POLR1C: variants seen among roughly 807,000 people sequenced by gnomAD.
POLR1C encodes the protein RNA polymerase I and III subunit C.
POLR1C carries 42 observed loss-of-function variants against 38.3 expected under a neutral mutation model. The ratio of observed to expected loss-of-function variants is 1.10; its 90% CI spans 0.86 to 1.42. The LOEUF (loss-of-function observed/expected upper bound fraction) is 1.42, where lower values mean the gene tolerates loss of function less well. POLR1C is among the 40% of genes most tolerant of loss of function. The pLI is 0.00. For synonymous variants in POLR1C, 163 were observed against 163.9 expected, an observed-to-expected ratio of 0.99 and a Z score of 0.04; for missense variants, 507 against 450.5, an observed-to-expected ratio of 1.13 and a Z score of -1.14.
At chr6:43,517,555 A>G (rs1317917773) in intron 2 of POLR1C, among the ~76,000 whole-genome samples, 178 bp downstream of exon 2, 1 of 152,114 alleles carries the variant, frequency 6.6e-6, no homozygotes, top group Admixed American at 6.5e-5. Context: ...CCAGTTCTGC[A>G]AAGATGTTCA....
chr6:43,525,758 T>G (rs1793544899), downstream of POLR1C: 1 of 1,437,328 alleles, frequency 7.0e-7, no homozygotes, highest in South Asian at 1.3e-5. Flanking sequence ...AAACTCTTGA[T>G]AGCACCATAG....
At chr6:43,526,530 T>C in intron 8 of POLR1C, 1 of 769,990 alleles carries the variant, frequency 1.3e-6, no homozygotes, top group Non-Finnish European at 2.2e-6. Flanking sequence ...GGTGGGAGTA[T>C]GATGGAGGCA....
At position 43,545,727 on chromosome 6, in the gene POLR1C, A is replaced by C. The variant is rs187028731; in HGVS notation, c.*5-5241A>C. Among the ~76,000 whole-genome samples the C allele has an allele frequency of 9.7e-3, 1,481 of 152,178 alleles. 10 individuals carry two copies. Among genetic ancestry groups the C allele is most frequent in the South Asian group, 0.023 (112 of 4,822 alleles). ...TGTCTCAAAAAAACAAACAAACAAA[A>C]AAAAAACCAATCCTGTGAGATACAA... On this transcript the variant is annotated intron_variant, in intron 9 of 10. Transcript: ENST00000607635.
At chr6:43,522,542 A>C (rs930237438), downstream of POLR1C, 1 of 264,348 alleles carries the variant, frequency 3.8e-6, no homozygotes, top group Non-Finnish European at 8.5e-6. Context: ...AACACTCTTG[A>C]GATCGCCTTC....
downstream of POLR1C, chr6:43,524,384 G>A (rs1793408019): frequency 7.1e-7 from 1 of 1,404,572 alleles, no homozygotes; most frequent in African/African-American, 1.4e-5. Context: ...TCACCATAAT[G>A]GTCAATAACT....
At chr6:43,539,609 C>T in intron 9 of POLR1C, 1 of 1,383,060 alleles carries the variant, frequency 7.2e-7, no homozygotes, top group Admixed American at 1.9e-5. Context: ...GCCCCGGATG[C>T]CACTGGCGAA....
Position 43,521,455 on chromosome 6 carries a change from G to A in POLR1C, c.*155G>A. On this transcript the variant is annotated 3_prime_UTR_variant, in exon 9 of 9. Coordinates refer to ENST00000642195, the MANE Select transcript of POLR1C (RefSeq NM_203290.4). The stretch of plus-strand genomic sequence containing the variant: ...CATTTTGTTAAATGTGCCATAAAAT[G>A]AGACTTTTTACGCCTTTATAAGGCC... 1.3e-6 allele frequency: 2 copies of A among 1,498,842 alleles called. No homozygotes were observed. The highest frequency in any genetic ancestry group is 4.3e-5 in the Admixed American group (2 of 46,794). 92.8% of individuals were successfully genotyped at this position (1,498,842 alleles called of 1,614,324 possible). A position where few individuals can be genotyped will look rare whatever the true frequency, so the allele number is the denominator to read the frequency against.
intron 10 of POLR1C, among the ~76,000 whole-genome samples, chr6:43,551,718 T>C (rs537636464): frequency 1.0e-3 from 156 of 152,158 alleles, no homozygotes; most frequent in African/African-American, 3.2e-3. Flanking sequence ...AGAGATGTTG[T>C]AGAAGTGTTG....
At chr6:43,536,611 T>C (rs972898684) in intron 9 of POLR1C, among the ~76,000 whole-genome samples, 15 of 151,460 alleles carry the variant, frequency 9.9e-5, no homozygotes, top group South Asian at 2.1e-4. Flanking sequence ...ATACAGAAAT[T>C]AGCCAGGCAT....
At chr6:43,524,050 G>C (rs1284574416), downstream of POLR1C, 1 of 1,595,544 alleles carries the variant, frequency 6.3e-7, no homozygotes, top group Non-Finnish European at 8.5e-7. Context: ...GCCCTCAGTA[G>C]TAGTTAAAAG....
At chr6:43,525,919 C>T (rs1370018700), downstream of POLR1C, 7 of 1,613,816 alleles carry the variant, frequency 4.3e-6, no homozygotes, top group African/African-American at 2.7e-5. Flanking sequence ...ATCATTTCTT[C>T]ATCTGTTATC....
At chr6:43,538,743 A>G (rs150722353) in intron 9 of POLR1C, 137 of 532,782 alleles carry the variant, frequency 2.6e-4, no homozygotes, top group Middle Eastern at 4.9e-4. Context: ...TAAGCCTCAT[A>G]AAATGAGTTA....
chr6:43,553,871 C>T lies in POLR1C; in HGVS notation c.*48+2860C>T, dbSNP rs992020314. On this transcript the variant is annotated intron_variant, in intron 10 of 10. Coordinates refer to the POLR1C transcript ENST00000607635. ...TTGATAAACATGAATTAGTTTCTCC[C>T]CTCCTCCCCCTTTATAATCTTTTCC... is the stretch of plus-strand genomic sequence containing the variant. Among the ~76,000 whole-genome samples the T allele has an allele frequency of 2.6e-5, 4 of 151,964 alleles. No individual in the cohort carries two copies. In the South Asian group the frequency reaches 8.3e-4, roughly 32 times the overall value.
At chr6:43,548,324 T>C (rs766221311) in intron 9 of POLR1C, 11 of 1,613,572 alleles carry the variant, frequency 6.8e-6, no homozygotes, top group Non-Finnish European at 7.6e-6. Context: ...TAGGAACACC[T>C]TCTGACGCTC....
chr6:43,558,573 T>A (rs921423167), intron 10 of POLR1C: 1 of 1,595,146 alleles, frequency 6.3e-7, no homozygotes, highest in African/African-American at 1.3e-5. Flanking sequence ...GGGCTGTCTG[T>A]TTTAGAAGGA....
chr6:43,527,064 A>C, intron 8 of POLR1C: 1 of 276,556 alleles, frequency 3.6e-6, no homozygotes, highest in South Asian at 7.1e-5. Flanking sequence ...GTAAAAATAA[A>C]AAGAAAATTA....
At chr6:43,528,350 A>C in intron 8 of POLR1C, 1 of 754,088 alleles carries the variant, frequency 1.3e-6, no homozygotes, top group Non-Finnish European at 2.2e-6. Context: ...CCACACCACA[A>C]GGTTAAAAAA....
Position 43,519,856 on chromosome 6 carries a change from T to A in POLR1C, c.382+18T>A. The A allele has an allele frequency of 6.2e-7, 1 of 1,610,954 alleles. No homozygotes were observed. The highest frequency in any genetic ancestry group is 1.3e-5 in the African/African-American group (1 of 75,032). On this transcript the variant is annotated intron_variant, in intron 4 of 8. Transcript: ENST00000642195. ...GAACCAAGGTGAGAAAATGAAATTT[T>A]GGGAGAAGTGGACTATCTGGGTTCA... is the stretch of plus-strand genomic sequence containing the variant.
chr6:43,543,790 C>T (rs964163555), intron 9 of POLR1C, among the ~76,000 whole-genome samples: 1 of 152,024 alleles, frequency 6.6e-6, no homozygotes, highest in Non-Finnish European at 1.5e-5. Context: ...AATTCTCCTG[C>T]CTCAGCCTCC....
Sources: allele counts gnomAD v4.1 joint callset (sites outside exome capture counted in the v4.1 genomes callset), GRCh38; gene constraint gnomAD v4.1.1; transcripts MANE v1.5; gene names NCBI Gene and HGNC (gene_info 2026-07-23, HGNC 2026-07-21).